TMEM74: variants seen among roughly 807,000 people sequenced by gnomAD.
The protein encoded by TMEM74 is transmembrane protein 74.
Under a neutral mutation model 18.1 loss-of-function variants are expected in TMEM74, and 13 were observed. The ratio of observed to expected loss-of-function variants is 0.72; its 90% CI spans 0.47 to 1.14. TMEM74 has a LOEUF of 1.14. TMEM74 is among the 50% of genes most tolerant of loss of function. The pLI is 0.00. For missense variants in TMEM74, 372 were observed against 375.9 expected (o/e 0.99, Z 0.09); for synonymous variants, 159 against 146.6 (o/e 1.08, Z -0.61).
chr8:108,724,505 G>T (rs1813614695), intron 1 of TMEM74, among the ~76,000 whole-genome samples: 1 of 152,040 alleles, frequency 6.6e-6, no homozygotes. Context: ...TGATGATAAT[G>T]GTGGTAATTA....
chr8:108,764,986 CTCTGATGTGTCTGGGCCT>C (rs1814086856), intron 1 of TMEM74, among the ~76,000 whole-genome samples: 1 of 152,106 alleles, frequency 6.6e-6, no homozygotes, highest in Admixed American at 6.6e-5. Context: ...ATTTTTAGGG[CTCTGATGTGTCTGGGCCT>C]TCTAGTCTCT....
At chr8:108,709,427 G>T (rs1813452633) in intron 1 of TMEM74, among the ~76,000 whole-genome samples, 1 of 152,144 alleles carries the variant, frequency 6.6e-6, no homozygotes, top group Admixed American at 6.5e-5. Flanking sequence ...AGTAGTATTT[G>T]TGAAAGACAA....
chr8:108,723,784 G>T (rs1352344011), intron 1 of TMEM74, among the ~76,000 whole-genome samples: 1 of 152,108 alleles, frequency 6.6e-6, no homozygotes, highest in Non-Finnish European at 1.5e-5. Context: ...TTAAAGGGGG[G>T]ACTTAATGTG....
At chr8:108,679,400 C>A (rs937241886) in intron 1 of TMEM74, among the ~76,000 whole-genome samples, 2 of 152,196 alleles carry the variant, frequency 1.3e-5, no homozygotes, top group Non-Finnish European at 1.5e-5. Context: ...CACATCCTCT[C>A]CAGCACCTGT....
At chr8:108,693,560 C>T (rs144922339) in intron 1 of TMEM74, among the ~76,000 whole-genome samples, 16 of 152,288 alleles carry the variant, frequency 1.1e-4, no homozygotes, top group African/African-American at 3.4e-4. Context: ...TCCTTGTATA[C>T]AAAAGATTGA....
chr8:108,709,093 TG>T (rs1813449382), intron 1 of TMEM74, among the ~76,000 whole-genome samples: 3 of 152,158 alleles, frequency 2.0e-5, no homozygotes, highest in African/African-American at 7.2e-5. Context: ...TGTAAAATTT[TG>T]CAGCAGCTAT....
intron 2 of TMEM74, among the ~76,000 whole-genome samples, chr8:108,651,998 T>C (rs1350329752): frequency 2.0e-5 from 3 of 152,222 alleles, no homozygotes; most frequent in South Asian, 4.1e-4. Flanking sequence ...CTCTACTAAC[T>C]ACTTAAAATC....
intron 1 of TMEM74, among the ~76,000 whole-genome samples, chr8:108,734,779 A>G (rs1813729342): frequency 6.6e-6 from 1 of 152,176 alleles, no homozygotes; most frequent in South Asian, 2.1e-4. Context: ...AACCGGGGAC[A>G]CTTGAGACTC....
intron 1 of TMEM74, among the ~76,000 whole-genome samples, chr8:108,769,253 G>T (rs1262712579): frequency 6.6e-6 from 1 of 152,066 alleles, no homozygotes; most frequent in East Asian, 1.9e-4. Flanking sequence ...GCTTGAACTG[G>T]GAAGCGGAGG....
intron 1 of TMEM74, among the ~76,000 whole-genome samples, chr8:108,700,423 C>T (rs539759116): frequency 2.6e-5 from 4 of 151,970 alleles, no homozygotes; most frequent in Admixed American, 1.3e-4. Flanking sequence ...TCAATTTCAC[C>T]GAAATAAAAT....
chr8:108,650,521 C>T (rs546376472), intron 2 of TMEM74, among the ~76,000 whole-genome samples: 5 of 152,302 alleles, frequency 3.3e-5, no homozygotes, highest in South Asian at 4.1e-4. Flanking sequence ...TCACAGCCCA[C>T]TATTCTCCTC....
At chr8:108,622,594 C>G (rs1018638144) in intron 2 of TMEM74, among the ~76,000 whole-genome samples, 13 of 152,016 alleles carry the variant, frequency 8.6e-5, no homozygotes, top group African/African-American at 3.1e-4. Flanking sequence ...TTTCTGAACT[C>G]ATTATGTTAT....
At chr8:108,785,230 G>A in intron 1 of TMEM74, 93 bp from the exon 2 acceptor site, 1 of 921,390 alleles carries the variant, frequency 1.1e-6, no homozygotes, top group Admixed American at 3.0e-5. Flanking sequence ...TTCCTTCACA[G>A]CTGCACCTGT....
At chr8:108,709,698 A>C (rs930185103) in intron 1 of TMEM74, among the ~76,000 whole-genome samples, 3 of 152,162 alleles carry the variant, frequency 2.0e-5, no homozygotes, top group South Asian at 2.1e-4. Flanking sequence ...TGCCAAAACA[A>C]AACAAAATCA....
At chr8:108,672,393 T>A (rs1274540265) in intron 1 of TMEM74, among the ~76,000 whole-genome samples, 1 of 152,214 alleles carries the variant, frequency 6.6e-6, no homozygotes, top group Non-Finnish European at 1.5e-5. Flanking sequence ...ATACAATATT[T>A]TGATTTCATG....
chr8:108,763,240 C>A (rs1450981032), intron 1 of TMEM74, among the ~76,000 whole-genome samples: 1 of 151,744 alleles, frequency 6.6e-6, no homozygotes, highest in East Asian at 1.9e-4. Flanking sequence ...TTAGACCATC[C>A]CACATAAAGT....
At chr8:108,743,619 G>C (rs1249912011) in intron 1 of TMEM74, among the ~76,000 whole-genome samples, 1 of 152,008 alleles carries the variant, frequency 6.6e-6, no homozygotes, top group Non-Finnish European at 1.5e-5. Flanking sequence ...AAGTTACCTG[G>C]CAGACTTGTC....
rs1180130555 is a variant in TMEM74 at position 108,782,928 on chromosome 8, G to C, written c.*1253C>G. On this transcript the variant is annotated 3_prime_UTR_variant, in exon 2 of 2. Coordinates refer to ENST00000297459, the MANE Select transcript of TMEM74 (RefSeq NM_153015.3). ...CGGTCTGTCACTGTGAACACCCAGT[G>C]TGTGTCTTGCAAAGTGAGCACCTTG... Among the ~76,000 whole-genome samples the C allele has an allele frequency of 6.6e-6, 1 of 152,178 alleles. No individual in the cohort carries two copies. Among genetic ancestry groups the C allele is most frequent in the Non-Finnish European group, 1.5e-5 (1 of 68,024 alleles).
chr8:108,694,047 A>G (rs1366097252), intron 1 of TMEM74, among the ~76,000 whole-genome samples: 2 of 152,252 alleles, frequency 1.3e-5, no homozygotes, highest in East Asian at 3.8e-4. Flanking sequence ...GTACAAGTGC[A>G]ATTTTGTTAC....
Sources: allele counts gnomAD v4.1 joint callset (sites outside exome capture counted in the v4.1 genomes callset), GRCh38; gene constraint gnomAD v4.1.1; transcripts MANE v1.5; gene names NCBI Gene and HGNC (gene_info 2026-07-23, HGNC 2026-07-21).